Variants in ACSL4 observed in about 807,000 individuals in gnomAD.
ACSL4 encodes the protein long-chain-fatty-acid--CoA ligase 4.
A neutral mutation model predicts 49.1 loss-of-function variants in ACSL4; 9 were observed. The ratio of observed to expected loss-of-function variants is 0.18; its 90% CI spans 0.11 to 0.32. The LOEUF is 0.32. Among genes scored for constraint, ACSL4 ranks in the 10% least tolerant of loss-of-function variants. The pLI is 1.00. For synonymous variants in ACSL4, 191 were observed against 170.3 expected, an observed-to-expected ratio of 1.12 and a Z score of -0.95; for missense variants, 333 against 493.7, an observed-to-expected ratio of 0.67 and a Z score of 3.08.
At chrX:109,732,330 G>C (rs1038896784) in intron 1 of ACSL4, among the ~76,000 whole-genome samples, 1 of 111,674 alleles carries the variant, frequency 9.0e-6, no homozygotes, top group Non-Finnish European at 1.9e-5. Context: ...GAGTGAAGAG[G>C]AGAAATGACG....
Position 109,661,474 on chromosome X carries a change from T to G in ACSL4, c.1697+57A>C. The G allele has an allele frequency of 1.3e-5, 11 of 875,696 alleles. No individual in the cohort carries two copies. The South Asian group carries it at 2.0e-4, about 16-fold the overall frequency. The allele number at this position is 875,696 out of a possible 1,213,427, so 72.2% of individuals were successfully genotyped here. A position where few individuals can be genotyped will look rare whatever the true frequency, so the allele number is the denominator to read the frequency against. On this transcript the variant is annotated intron_variant, in intron 14 of 15. Coordinates refer to ENST00000672401, the MANE Select transcript of ACSL4 (RefSeq NM_001318510.2). ...ACCCTTATGATAATATGTAATCACA[T>G]TATTTTCTAAATATCTTTTGACTTA...
chrX:109,731,413 T>C (rs1017577454), intron 1 of ACSL4, among the ~76,000 whole-genome samples: 2 of 110,320 alleles, frequency 1.8e-5, no homozygotes, highest in Non-Finnish European at 3.8e-5. Context: ...GTTAAATATA[T>C]ATCTAGAGTT....
intron 9 of ACSL4, among the ~76,000 whole-genome samples, chrX:109,669,817 A>C (rs931759393): frequency 8.9e-5 from 10 of 112,791 alleles, no homozygotes; most frequent in Admixed American, 4.7e-4. Flanking sequence ...AAAATACCTG[A>C]CTATGTTGAA....
At chrX:109,673,522 C>T (rs1431931678) in intron 9 of ACSL4, among the ~76,000 whole-genome samples, 2 of 112,318 alleles carry the variant, frequency 1.8e-5, no homozygotes, top group Non-Finnish European at 3.8e-5. Context: ...ATGAATTACA[C>T]AGAACCTCTA....
At chrX:109,683,427 T>A in intron 2 of ACSL4, 52 bp from the exon 3 acceptor site, 1 of 1,211,880 alleles carries the variant, frequency 8.3e-7, no homozygotes, top group Non-Finnish European at 1.1e-6. Flanking sequence ...CACTGTATAT[T>A]GTTATTAACA....
intron 15 of ACSL4, among the ~76,000 whole-genome samples, chrX:109,648,564 C>T (rs1363525780): frequency 2.1e-3 from 230 of 111,676 alleles, no homozygotes; most frequent in African/African-American, 7.2e-3. Context: ...CCACAGCCAA[C>T]ATTATACTGA....
intron 1 of ACSL4, among the ~76,000 whole-genome samples, chrX:109,731,705 A>G (rs1294562986): frequency 1.8e-5 from 2 of 111,681 alleles, no homozygotes; most frequent in Admixed American, 9.5e-5. Flanking sequence ...ATTCTAAGGT[A>G]CAAGTATACT....
rs1213246873 is a variant in ACSL4 at position 109,659,988 on chromosome X, G to GAA, written c.1698-479_1698-478dup. Among the ~76,000 whole-genome samples the GAA allele has an allele frequency of 2.1e-4, 21 of 101,132 alleles. 3 individuals are homozygous for GAA. The highest frequency in any genetic ancestry group is 1.2e-3 in the South Asian group (3 of 2,415). The allele number at this position is 101,132 out of a possible 115,157, so 87.8% of individuals were successfully genotyped here. A position where few individuals can be genotyped will look rare whatever the true frequency, so the allele number is the denominator to read the frequency against. On this transcript the variant is annotated intron_variant, in intron 14 of 15. Coordinates refer to ENST00000672401, the MANE Select transcript of ACSL4 (RefSeq NM_001318510.2). ...ATCTGATAAAACTATAAAACTGCTA[G>GAA]AAAAAAAAAAACAGAAGAAACACTT...
chrX:109,718,928 T>C (rs1049938556), intron 1 of ACSL4, among the ~76,000 whole-genome samples: 1 of 111,505 alleles, frequency 9.0e-6, no homozygotes, highest in Non-Finnish European at 1.9e-5. Context: ...AATGTCCTAG[T>C]ATGGCATCCA....
chrX:109,719,298 G>C (rs754157752), intron 1 of ACSL4, among the ~76,000 whole-genome samples: 2 of 111,054 alleles, frequency 1.8e-5, no homozygotes, highest in Non-Finnish European at 3.8e-5. Flanking sequence ...CAGGGGTTAG[G>C]GAACTATCCC....
rs370912273 is a variant in ACSL4 at position 109,656,797 on chromosome X, G to GA, written c.1855+2556dup. On this transcript the variant is annotated intron_variant, in intron 15 of 15. Transcript: ENST00000672401. ...CATGGAATCCCTCGTTGGGAAAAAAGAAAAAAAAAAAGCCTACTATTGAAC... is the reference window on the plus strand; with the variant it reads ...CATGGAATCCCTCGTTGGGAAAAAAGAAAAAAAAAAAAGCCTACTATTGAAC... 5.1e-3 allele frequency among the ~76,000 whole-genome samples: 499 copies of GA among 96,955 alleles called. 7 individuals carry two copies. Among genetic ancestry groups the GA allele is most frequent in the African/African-American group, 0.016 (434 of 26,752 alleles). The allele number at this position is 96,955 out of a possible 115,157, so 84.2% of individuals were successfully genotyped here.
At chrX:109,703,364 T>C (rs1302111108) in intron 1 of ACSL4, among the ~76,000 whole-genome samples, 1 of 112,007 alleles carries the variant, frequency 8.9e-6, no homozygotes, top group Non-Finnish European at 1.9e-5. Flanking sequence ...AATTGTACTA[T>C]AATCGTGTAA....
intron 15 of ACSL4, among the ~76,000 whole-genome samples, chrX:109,652,612 T>C (rs1921236148): frequency 9.0e-6 from 1 of 111,713 alleles, no homozygotes; most frequent in African/African-American, 3.2e-5. Context: ...CTTGAAATAC[T>C]ATATTTAAAG....
chrX:109,733,176 C>T lies in ACSL4; in HGVS notation c.-103G>A, dbSNP rs1286456373. ...CCACCGCGTCTTCGCAGCCGGCCGG[C>T]GCCTGGCACTCGGAAAGCTCGCAAA... On this transcript the variant is annotated 5_prime_UTR_variant, in exon 1 of 16. Transcript: ENST00000672401. 1 of 326,922 alleles carries T rather than the reference C, an allele frequency of 3.1e-6. No homozygotes were observed. Among genetic ancestry groups the T allele is most frequent in the Non-Finnish European group, 5.9e-6 (1 of 168,674 alleles). The allele number at this position is 326,922 out of a possible 1,213,427, so 26.9% of individuals were successfully genotyped here. A position where few individuals can be genotyped will look rare whatever the true frequency, so the allele number is the denominator to read the frequency against.
At chrX:109,644,688 A>G (rs995784537) in intron 15 of ACSL4, among the ~76,000 whole-genome samples, 15 of 112,604 alleles carry the variant, frequency 1.3e-4, no homozygotes, top group East Asian at 2.8e-4. Flanking sequence ...CAAGATGGCC[A>G]AATACGAACA....
At chrX:109,722,578 T>C (rs901162785) in intron 1 of ACSL4, among the ~76,000 whole-genome samples, 5 of 111,934 alleles carry the variant, frequency 4.5e-5, no homozygotes, top group South Asian at 3.6e-4. Context: ...TACATCATCA[T>C]TGATAACTAC....
chrX:109,666,901 C>A (rs1200573970), intron 11 of ACSL4, among the ~76,000 whole-genome samples: 1 of 111,637 alleles, frequency 9.0e-6, no homozygotes. Context: ...GGCAACAGAG[C>A]AAGACTCTGT....
intron 8 of ACSL4, among the ~76,000 whole-genome samples, chrX:109,675,435 T>C: frequency 8.9e-6 from 1 of 112,850 alleles, no homozygotes; most frequent in Non-Finnish European, 1.9e-5. Flanking sequence ...TGATTTCCTA[T>C]GTGAAGCAAG....
chrX:109,713,434 A>G (rs1292484083), intron 1 of ACSL4, among the ~76,000 whole-genome samples: 1 of 112,092 alleles, frequency 8.9e-6, no homozygotes, highest in East Asian at 2.8e-4. Flanking sequence ...GGCTTCAGAA[A>G]CAGCTCACTA....
Sources: gnomAD v4.1 joint callset for allele counts (sites outside exome capture counted in the v4.1 genomes callset) on GRCh38, gnomAD v4.1.1 for gene constraint, MANE v1.5 for transcripts, NCBI Gene and HGNC (gene_info 2026-07-23, HGNC 2026-07-21) for gene names.